The following COL20A1 variants were observed in gnomAD, a reference collection of about 807,000 sequenced individuals.
The protein encoded by COL20A1 is collagen alpha-1(XX) chain.
COL20A1 carries 164 observed loss-of-function variants against 152.9 expected under a neutral mutation model. The observed-to-expected ratio is 1.07, with a 90% CI of 0.94 to 1.22. The LOEUF (loss-of-function observed/expected upper bound fraction) is 1.22. Ranked by LOEUF, COL20A1 falls within the 50% of genes most tolerant of loss-of-function variation. COL20A1 has a pLI of 0.00. For missense variants in COL20A1, 1,873 were observed against 1,744.8 expected, an observed-to-expected ratio of 1.07 and a Z score of -1.31; for synonymous variants, 864 against 756.0, an observed-to-expected ratio of 1.14 and a Z score of -2.34.
chr20:63,305,885 G>C lies in COL20A1; in HGVS notation c.342G>C (p.Glu114Asp). Residue 114 changes from glutamate to aspartate, a missense_variant, in exon 5 of 36, where the codon GAG becomes GAC. By Grantham distance (45) the Glu-to-Asp change is conservative. Coordinates refer to ENST00000358894, the MANE Select transcript of COL20A1 (RefSeq NM_020882.4). This position sits in a 1 kb window ranked among gnomAD's most constrained non-coding sequence, Gnocchi z 4.9. The part of the protein sequence containing the change: ...FLLARREFVI[E>D]DLKSSSLDRS... ...GCTCTTTGTGTCTCCCTGCAGTTGA[G>C]GATCTGAAGAGTAGCTCCCTGGACA... 2 of 1,613,100 alleles carry C rather than the reference G, an allele frequency of 1.2e-6. No homozygotes were observed. Among genetic ancestry groups the C allele is most frequent in the Non-Finnish European group, 1.7e-6 (2 of 1,179,830 alleles).
intron 6 of COL20A1, 50 bp downstream of exon 6, chr20:63,307,698 C>T (rs1363540379): frequency 6.4e-7 from 1 of 1,574,524 alleles, no homozygotes; most frequent in Non-Finnish European, 8.7e-7. Flanking sequence ...GTGGTCCCCA[C>T]AGCTCTGCCA....
intron 20 of COL20A1, among the ~76,000 whole-genome samples, chr20:63,315,730 T>G (rs6011730): frequency 6.6e-6 from 1 of 152,136 alleles, no homozygotes; most frequent in African/African-American, 2.4e-5. Context: ...CTCTGCTGAC[T>G]GGAGCTGGGG....
At position 63,316,716 on chromosome 20, in the gene COL20A1, A is replaced by T. The variant is rs201406890; in HGVS notation, c.2663+25A>T. The T allele has an allele frequency of 1.4e-5, 21 of 1,497,492 alleles. No individual in the cohort carries two copies. The African/African-American group carries it at 2.1e-4, about 15-fold the overall frequency. 92.8% of individuals were successfully genotyped at this position (1,497,492 alleles called of 1,614,324 possible). On this transcript the variant is annotated intron_variant, in intron 21 of 35. Transcript: ENST00000358894. ...GGTGTGAGGGCAAGGGCTGGGGTGG[A>T]GCTGGAAGCCCAGGCTGGGGCCGCT... is the stretch of plus-strand genomic sequence containing the variant.
chr20:63,316,497 C>T lies in COL20A1; in HGVS notation c.2525-56C>T. ...AGTCCCCGCTCCTGCCCCTTCCTCC[C>T]TCCCCTGCCATCTCTGAGGGTCCCT... On this transcript the variant is annotated intron_variant, in intron 20 of 35. Coordinates refer to ENST00000358894, the MANE Select transcript of COL20A1 (RefSeq NM_020882.4). 4.6e-6 allele frequency: 7 copies of T among 1,513,402 alleles called. No individual in the cohort carries two copies. In the South Asian group the frequency reaches 8.6e-5, roughly 19 times the overall value. 93.7% of individuals were successfully genotyped at this position (1,513,402 alleles called of 1,614,324 possible).
At chr20:63,308,414 C>A in intron 7 of COL20A1, 128 bp from the exon 8 acceptor site, 1 of 960,704 alleles carries the variant, frequency 1.0e-6, no homozygotes, top group Non-Finnish European at 1.5e-6. Context: ...CTCCCTTGGG[C>A]TGCTGCGGGG....
chr20:63,324,260 C>CGA (rs2068210996), intron 27 of COL20A1: 1 of 152,228 alleles, frequency 6.6e-6, no homozygotes. Context: ...GTGACATCAC[C>CGA]TGCAAATAAA....
intron 27 of COL20A1, among the ~76,000 whole-genome samples, chr20:63,323,259 C>T (rs2068193226): frequency 6.6e-6 from 1 of 152,246 alleles, no homozygotes; most frequent in Non-Finnish European, 1.5e-5. Flanking sequence ...GGAACCAGCC[C>T]TGTGTCTGTG....
At chr20:63,298,448 T>G (rs985934329) in intron 3 of COL20A1, among the ~76,000 whole-genome samples, 2 of 151,782 alleles carry the variant, frequency 1.3e-5, no homozygotes, top group Non-Finnish European at 2.9e-5. Flanking sequence ...GTGCCACCAC[T>G]CCTGGCTAAT....
rs963814659 is a variant in COL20A1, at chr20:63,325,029, C to T, written c.3295-412C>T. ...GGGTGAGGTTGGTTGGAACTGGCTT[C>T]ACAGGCTTGGCTCTGCCATTCTCTA... On this transcript the variant is annotated intron_variant, in intron 27 of 35. Transcript: ENST00000358894. The T allele has an allele frequency of 1.9e-5, 6 of 318,696 alleles. No individual in the cohort carries two copies. The East Asian group carries it at 4.4e-4, about 23-fold the overall frequency. The allele number at this position is 318,696 out of a possible 1,614,324, so 19.7% of individuals were successfully genotyped here.
chr20:63,295,230 A>G (rs1170493699), intron 2 of COL20A1, 41 bp downstream of exon 2: 8 of 1,401,990 alleles, frequency 5.7e-6, no homozygotes, highest in Non-Finnish European at 7.9e-6. Flanking sequence ...CCCCGAGGCC[A>G]CGCCTGCCCC....
rs370882408 is a variant in COL20A1, at chr20:63,311,783, C to T, written c.1663+35C>T. ...CCAACCCCGGCTGCCTGCCCACAGGCGGGTGCCCCATCTTGTTCCTCAGCC... is the reference window on the plus strand; with the variant it reads ...CCAACCCCGGCTGCCTGCCCACAGGTGGGTGCCCCATCTTGTTCCTCAGCC... On this transcript the variant is annotated intron_variant, in intron 13 of 35. Transcript: ENST00000358894. The surrounding 1 kb of genome is among the most constrained non-coding windows in gnomAD (Gnocchi z 4.4). 1.6e-4 allele frequency: 244 copies of T among 1,562,748 alleles called. No homozygotes were observed. The highest frequency in any genetic ancestry group is 1.9e-4 in the Non-Finnish European group (216 of 1,160,712).
intron 3 of COL20A1, among the ~76,000 whole-genome samples, chr20:63,299,324 C>T (rs1024996514): frequency 3.9e-5 from 6 of 152,250 alleles, no homozygotes; most frequent in East Asian, 3.9e-4. Context: ...CCAAAGGGGT[C>T]GTGCCAGTGT....
intron 25 of COL20A1, 126 bp from the exon 26 acceptor site, chr20:63,320,887 C>T: frequency 2.8e-6 from 2 of 706,312 alleles, no homozygotes; most frequent in Non-Finnish European, 2.4e-6. Flanking sequence ...ACCTTCGCCC[C>T]TGCCTCCCAG....
chr20:63,325,319 G>A, intron 27 of COL20A1, 122 bp from the exon 28 acceptor site: 1 of 784,912 alleles, frequency 1.3e-6, no homozygotes, highest in Non-Finnish European at 2.2e-6. Context: ...CTGGAGGCCA[G>A]CAGGGCTCGC....
At chr20:63,312,598 C>T (rs2068024502) in intron 15 of COL20A1, 49 bp downstream of exon 15, 3 of 1,530,344 alleles carry the variant, frequency 2.0e-6, no homozygotes, top group Non-Finnish European at 2.6e-6. Context: ...TTTCTGTGTC[C>T]TTCTGCCCTG....
Position 63,319,950 on chromosome 20 carries a change from G to A in COL20A1, c.2917-89G>A. 7.8e-7 allele frequency: 1 copy of A among 1,289,712 alleles called. No individual in the cohort carries two copies. Among genetic ancestry groups the A allele is most frequent in the Non-Finnish European group, 1.0e-6 (1 of 953,492 alleles). The allele number at this position is 1,289,712 out of a possible 1,614,324, so 79.9% of individuals were successfully genotyped here. ...CTGACCCCAGGTCCCAGGGATGGGT[G>A]TTACTCCCCAGCCCTGGCCTGGCCT... is the stretch of plus-strand genomic sequence containing the variant. On this transcript the variant is annotated intron_variant, in intron 23 of 35. Coordinates refer to ENST00000358894, the MANE Select transcript of COL20A1 (RefSeq NM_020882.4). The surrounding 1 kb of genome is among the most constrained non-coding windows in gnomAD (Gnocchi z 4.4).
At position 63,309,472 on chromosome 20, in the gene COL20A1, G is replaced by C. The variant is rs1331186094; in HGVS notation, c.1080G>C (p.Gln360His). Residue 360 changes from glutamine (Q) to histidine (H), a missense_variant, in exon 9 of 36, where the codon CAG (glutamine) becomes CAC (histidine). Gln to His is a conservative substitution (Grantham distance 24). Coordinates refer to ENST00000358894, the MANE Select transcript of COL20A1 (RefSeq NM_020882.4). ...LLSRLICQRL[Q>H]GGSPRQGPAA... ...GCCGTCTCATCTGCCAGAGGCTCCAGGGTGGGAGCCCGCGGCAGGGCCCAG... is the reference window on the plus strand; with the variant it reads ...GCCGTCTCATCTGCCAGAGGCTCCACGGTGGGAGCCCGCGGCAGGGCCCAG... 1.6e-5 allele frequency: 24 copies of C among 1,531,536 alleles called. No homozygotes were observed. The highest frequency in any genetic ancestry group is 3.6e-5 in the South Asian group (3 of 82,678). 94.9% of individuals were successfully genotyped at this position (1,531,536 alleles called of 1,614,324 possible).
intron 34 of COL20A1, 106 bp downstream of exon 34, chr20:63,328,604 T>C: frequency 9.4e-7 from 1 of 1,067,596 alleles, no homozygotes; most frequent in Admixed American, 2.6e-5. Flanking sequence ...CAGCAGCTCC[T>C]GCTGGAGATG....
Position 63,328,315 on chromosome 20 carries a change from C to A in COL20A1, c.3614-16C>A. The A allele has an allele frequency of 6.2e-7, 1 of 1,602,830 alleles. No individual in the cohort carries two copies. Among genetic ancestry groups the A allele is most frequent in the Non-Finnish European group, 8.5e-7 (1 of 1,173,780 alleles). On this transcript the variant is annotated splice_polypyrimidine_tract_variant and intron_variant, in intron 33 of 35. Coordinates refer to ENST00000358894, the MANE Select transcript of COL20A1 (RefSeq NM_020882.4). ...GGGTCCCCACTGTGTCCTGCTGACA[C>A]CCCTCCTCCCCACAGCACACGTGTC...
Sources: gnomAD v4.1 joint callset for allele counts (sites outside exome capture counted in the v4.1 genomes callset) on GRCh38, gnomAD v4.1.1 for gene constraint, Gnocchi (gnomAD v3.1) non-coding constraint, MANE v1.5 for transcripts, NCBI Gene and HGNC (gene_info 2026-07-23, HGNC 2026-07-21) for gene names.